The following TRIR variants were observed in gnomAD, a reference collection of about 807,000 sequenced individuals.
The protein encoded by TRIR is telomerase RNA component interacting RNase, also known as telomerase RNA component-interacting RNase.
Under a neutral mutation model 18.2 loss-of-function variants are expected in TRIR, and 5 were observed. The observed-to-expected ratio is 0.27, with a 90% CI of 0.14 to 0.58. The LOEUF is 0.58. Ranked by LOEUF, TRIR falls within the 20% of genes least tolerant of loss-of-function variation. The pLI, the probability that TRIR is intolerant of heterozygous loss-of-function variation, is 0.91. For missense variants in TRIR, 206 were observed against 252.8 expected (o/e 0.81, Z 1.25); for synonymous variants, 134 against 114.4 (o/e 1.17, Z -1.10).
Position 12,734,652 on chromosome 19 carries a change from A to G in TRIR, c.6T>C (p.Ala2=). M[A]ARGRRAEPQG... is the part of the protein sequence containing the mutation. ...GAGGCTCCGCCCGTCTCCCTCGGGCAGCCATTTTGTCGCCAGGTGCCGCGC... is the reference window on the plus strand; with the variant it reads ...GAGGCTCCGCCCGTCTCCCTCGGGCGGCCATTTTGTCGCCAGGTGCCGCGC... Residue 2 remains alanine (A), a synonymous_variant, in exon 1 of 3, where the codon GCT becomes GCC. Transcript: ENST00000242784. This position sits in a 1 kb window ranked among gnomAD's most constrained non-coding sequence, Gnocchi z 4.1. 6.6e-7 allele frequency: 1 copy of G among 1,505,644 alleles called. No homozygotes were observed. The allele number at this position is 1,505,644 out of a possible 1,614,324, so 93.3% of individuals were successfully genotyped here.
rs1369964556 is a variant in TRIR, at chr19:12,734,166, C to A, written c.345+147G>T. ...CCCCTAGACCCCAGTTGTCGGGAAT[C>A]CAAGTTCCACACCCTCAGCGGGTGA... On this transcript the variant is annotated intron_variant, in intron 1 of 2. Transcript: ENST00000242784. This position sits in a 1 kb window ranked among gnomAD's most constrained non-coding sequence, Gnocchi z 4.1. The A allele has an allele frequency of 4.7e-6, 4 of 856,230 alleles. No homozygotes were observed. Among genetic ancestry groups the A allele is most frequent in the Non-Finnish European group, 5.0e-6 (3 of 605,874 alleles). 53.0% of individuals were successfully genotyped at this position (856,230 alleles called of 1,614,324 possible).
In TRIR at chr19:12,731,501, C is replaced by T; in HGVS notation, c.346-80G>A. 2 of 1,448,132 alleles carry T rather than the reference C, an allele frequency of 1.4e-6. No homozygotes were observed. The highest frequency in any genetic ancestry group is 1.9e-6 in the Non-Finnish European group (2 of 1,069,400). 89.7% of individuals were successfully genotyped at this position (1,448,132 alleles called of 1,614,324 possible). A position where few individuals can be genotyped will look rare whatever the true frequency, so the allele number is the denominator to read the frequency against. ...CGGCGCTGAGGCCCACTACACCTTC[C>T]TAGCCCGGCCTGGTGGCCCGTCCTG... On this transcript the variant is annotated intron_variant, in intron 1 of 2. Coordinates refer to ENST00000242784, the MANE Select transcript of TRIR (RefSeq NM_024038.4). The surrounding 1 kb of genome is among the most constrained non-coding windows in gnomAD (Gnocchi z 5.1).
Position 12,731,635 on chromosome 19 carries a change from G to A in TRIR, c.346-214C>T. The A allele has an allele frequency of 1.7e-6, 1 of 584,952 alleles. No homozygotes were observed. The highest frequency in any genetic ancestry group is 2.0e-5 in the South Asian group (1 of 49,394). 36.2% of individuals were successfully genotyped at this position (584,952 alleles called of 1,614,324 possible). On this transcript the variant is annotated intron_variant, in intron 1 of 2. Transcript: ENST00000242784. This position sits in a 1 kb window ranked among gnomAD's most constrained non-coding sequence, Gnocchi z 5.1. ...GCGGTGCCCTCCCAGGGAGCAAGAA[G>A]AGTGTCCACCTCAGTAGGGACCAGC...
In TRIR at chr19:12,731,149, A is replaced by T; in HGVS notation, c.424-81T>A. 1 of 1,326,284 alleles carries T rather than the reference A, an allele frequency of 7.5e-7. No individual in the cohort carries two copies. Among genetic ancestry groups the T allele is most frequent in the Non-Finnish European group, 1.1e-6 (1 of 919,668 alleles). The allele number at this position is 1,326,284 out of a possible 1,614,324, so 82.2% of individuals were successfully genotyped here. A position where few individuals can be genotyped will look rare whatever the true frequency, so the allele number is the denominator to read the frequency against. ...GCCCTGAGACAGGTGACCCATTCCC[A>T]GTGTCACCCAGAAGACTCTGGGTTT... On this transcript the variant is annotated intron_variant, in intron 2 of 2. Coordinates refer to ENST00000242784, the MANE Select transcript of TRIR (RefSeq NM_024038.4). The surrounding 1 kb of genome is among the most constrained non-coding windows in gnomAD (Gnocchi z 5.1).
rs1568344413 is a variant in TRIR at position 12,731,147 on chromosome 19, C to A, written c.424-79G>T. 6.0e-6 allele frequency: 8 copies of A among 1,324,698 alleles called. No individual in the cohort carries two copies. Among genetic ancestry groups the A allele is most frequent in the Non-Finnish European group, 8.7e-6 (8 of 918,484 alleles). 82.1% of individuals were successfully genotyped at this position (1,324,698 alleles called of 1,614,324 possible). A position where few individuals can be genotyped will look rare whatever the true frequency, so the allele number is the denominator to read the frequency against. On this transcript the variant is annotated intron_variant, in intron 2 of 2. Transcript: ENST00000242784. The surrounding 1 kb of genome is among the most constrained non-coding windows in gnomAD (Gnocchi z 5.1). ...CTGCCCTGAGACAGGTGACCCATTC[C>A]CAGTGTCACCCAGAAGACTCTGGGT... is the stretch of plus-strand genomic sequence containing the variant.
At chr19:12,732,137 AAAAAAAGAAAAG>A (rs1967441387) in intron 1 of TRIR, among the ~76,000 whole-genome samples, 1 of 150,774 alleles carries the variant, frequency 6.6e-6, no homozygotes, top group Admixed American at 6.6e-5. Context: ...AAAAAAAAAA[AAAAAAAGAAAAG>A]AAAAAAAGAA....
Position 12,734,211 on chromosome 19 carries a change from C to A in TRIR, c.345+102G>T. 2 of 1,192,572 alleles carry A rather than the reference C, an allele frequency of 1.7e-6. No individual in the cohort carries two copies. Among genetic ancestry groups the A allele is most frequent in the East Asian group, 3.1e-5 (1 of 31,852 alleles). 73.9% of individuals were successfully genotyped at this position (1,192,572 alleles called of 1,614,324 possible). The stretch of plus-strand genomic sequence containing the variant: ...GGGTGACCCGGACGGGCCCCTCATT[C>A]AGAACGGAAAGTGGACTTCGGTCCC... On this transcript the variant is annotated intron_variant, in intron 1 of 2. Coordinates refer to ENST00000242784, the MANE Select transcript of TRIR (RefSeq NM_024038.4). The surrounding 1 kb of genome is among the most constrained non-coding windows in gnomAD (Gnocchi z 4.1).
chr19:12,732,923 A>T (rs763704652), intron 1 of TRIR, among the ~76,000 whole-genome samples: 10 of 151,586 alleles, frequency 6.6e-5, no homozygotes, highest in Non-Finnish European at 1.0e-4. Context: ...TTTTTTTTTA[A>T]GATACTCTCT....
rs1172278461 is a variant in TRIR, at chr19:12,734,585, C to G, written c.73G>C (p.Gly25Arg). The G allele has an allele frequency of 2.0e-6, 3 of 1,521,188 alleles. No homozygotes were observed. The highest frequency in any genetic ancestry group is 2.6e-6 in the Non-Finnish European group (3 of 1,140,146). 94.2% of individuals were successfully genotyped at this position (1,521,188 alleles called of 1,614,324 possible). A position where few individuals can be genotyped will look rare whatever the true frequency, so the allele number is the denominator to read the frequency against. The change falls in exon 1 of 3, where the codon GGG (glycine) becomes CGG (arginine). Residue 25 changes from glycine (G) to arginine (R), a missense_variant. Gly to Arg is a moderately radical substitution (Grantham distance 125, BLOSUM62 -2). Coordinates refer to ENST00000242784, the MANE Select transcript of TRIR (RefSeq NM_024038.4). This position sits in a 1 kb window ranked among gnomAD's most constrained non-coding sequence, Gnocchi z 4.1. ...APGPAGGGGG[G>R]SRWAESGSGT... Reference sequence around the variant, plus strand: ...GATCCCGACTCAGCCCAACGGCTCCCGCCACCGCCACCGCCCGCGGGGCCC... The same window carrying G: ...GATCCCGACTCAGCCCAACGGCTCCGGCCACCGCCACCGCCCGCGGGGCCC...
Position 12,730,871 on chromosome 19 carries a change from T to C in TRIR, c.*90A>G, listed in dbSNP as rs1967414103. ...TCGGTTTCCTTCTGCTTTTAAGTCC[T>C]CTCAGGGAAGGCTGTCGCCGCTGCC... On this transcript the variant is annotated 3_prime_UTR_variant, in exon 3 of 3. Coordinates refer to ENST00000242784, the MANE Select transcript of TRIR (RefSeq NM_024038.4). 8.1e-7 allele frequency: 1 copy of C among 1,227,132 alleles called. No homozygotes were observed. The highest frequency in any genetic ancestry group is 1.2e-6 in the Non-Finnish European group (1 of 836,580). The allele number at this position is 1,227,132 out of a possible 1,614,324, so 76.0% of individuals were successfully genotyped here.
intron 1 of TRIR, among the ~76,000 whole-genome samples, chr19:12,733,864 G>C (rs143610591): frequency 2.0e-5 from 3 of 152,202 alleles, no homozygotes; most frequent in Non-Finnish European, 4.4e-5. Flanking sequence ...ATAAATGGAG[G>C]TTGGTCGAAT....
rs117348754 is a variant in TRIR at position 12,733,331 on chromosome 19, A to G, written c.345+982T>C. ...TGTTATTCTCAACACTTTTTCCTCC[A>G]CACTACAGGGACTTGATCTTAACAC... is the stretch of plus-strand genomic sequence containing the variant. On this transcript the variant is annotated intron_variant, in intron 1 of 2. Coordinates refer to ENST00000242784, the MANE Select transcript of TRIR (RefSeq NM_024038.4). Among the ~76,000 whole-genome samples, 3 of 152,248 alleles carry G rather than the reference A, an allele frequency of 2.0e-5. No homozygotes were observed. The East Asian group carries it at 5.8e-4, about 29-fold the overall frequency.
At position 12,731,543 on chromosome 19, in the gene TRIR, C is replaced by T. The variant is rs1967428117; in HGVS notation, c.346-122G>A. On this transcript the variant is annotated intron_variant, in intron 1 of 2. Coordinates refer to ENST00000242784, the MANE Select transcript of TRIR (RefSeq NM_024038.4). This position sits in a 1 kb window ranked among gnomAD's most constrained non-coding sequence, Gnocchi z 5.1. ...CCCGTCCTGACGCCGCGCCCAGCTC[C>T]GCCAGCCGGCCGACCTGCGCAGCAA... 3 of 1,054,660 alleles carry T rather than the reference C, an allele frequency of 2.8e-6. No individual in the cohort carries two copies. The highest frequency in any genetic ancestry group is 4.1e-6 in the Non-Finnish European group (3 of 737,528). The allele number at this position is 1,054,660 out of a possible 1,614,324, so 65.3% of individuals were successfully genotyped here. A position where few individuals can be genotyped will look rare whatever the true frequency, so the allele number is the denominator to read the frequency against.
intron 1 of TRIR, among the ~76,000 whole-genome samples, chr19:12,732,314 C>G (rs918561162): frequency 6.6e-6 from 1 of 152,092 alleles, no homozygotes; most frequent in Non-Finnish European, 1.5e-5. Flanking sequence ...CTGGCATGGC[C>G]TCTTTGAGGG....
At position 12,730,940 on chromosome 19, in the gene TRIR, T is replaced by C. The variant is rs1403719831; in HGVS notation, c.*21A>G. The stretch of plus-strand genomic sequence containing the variant: ...GTACATCGCAGAGAGTCCCAGGCCA[T>C]GGGCAGGTGGGGGAGGGGCGTCATT... On this transcript the variant is annotated 3_prime_UTR_variant, in exon 3 of 3. Transcript: ENST00000242784. 6.3e-7 allele frequency: 1 copy of C among 1,599,374 alleles called. No homozygotes were observed. The highest frequency in any genetic ancestry group is 8.6e-7 in the Non-Finnish European group (1 of 1,166,836).
rs147059853 is a variant in TRIR, at chr19:12,730,959, C to T, written c.*2G>A. 3.7e-6 allele frequency: 6 copies of T among 1,612,962 alleles called. No homozygotes were observed. Among genetic ancestry groups the T allele is most frequent in the Admixed American group, 1.7e-5 (1 of 60,002 alleles). On this transcript the variant is annotated 3_prime_UTR_variant, in exon 3 of 3. Transcript: ENST00000242784. ...AGGCCATGGGCAGGTGGGGGAGGGG[C>T]GTCATTTCACCAGGGGCCGAGTTTT...
intron 1 of TRIR, among the ~76,000 whole-genome samples, chr19:12,733,078 T>A (rs1431794716): frequency 6.6e-6 from 1 of 152,114 alleles, no homozygotes; most frequent in Admixed American, 6.6e-5. Context: ...GCTAATTTTT[T>A]AATTTTTTTT....
intron 1 of TRIR, among the ~76,000 whole-genome samples, chr19:12,733,694 AC>A (rs1967476086): frequency 6.6e-6 from 1 of 152,004 alleles, no homozygotes; most frequent in African/African-American, 2.4e-5. Flanking sequence ...ACCTCATAAA[AC>A]CCTCACCACA....
chr19:12,733,207 C>A (rs8100789), intron 1 of TRIR, among the ~76,000 whole-genome samples: 1 of 152,166 alleles, frequency 6.6e-6, no homozygotes, highest in Admixed American at 6.5e-5. Context: ...CTGCACCCAA[C>A]CCACGCCCAT....
Sources: allele counts gnomAD v4.1 joint callset (sites outside exome capture counted in the v4.1 genomes callset), GRCh38; gene constraint gnomAD v4.1.1; non-coding constraint Gnocchi (gnomAD v3.1); transcripts MANE v1.5; gene names NCBI Gene and HGNC (gene_info 2026-07-23, HGNC 2026-07-21).